The following EYS variants were observed in gnomAD, a reference collection of about 807,000 sequenced individuals.
EYS encodes EGF-like photoreceptor maintenance factor.
Under a neutral mutation model 282.1 loss-of-function variants are expected in EYS, and 250 were observed. The ratio of observed to expected loss-of-function variants is 0.89; its 90% CI spans 0.80 to 0.98. EYS has a LOEUF of 0.98. EYS is among the 50% of genes least tolerant of loss of function. The pLI is 0.00. For missense variants in EYS, 4,016 were observed against 3,709.0 expected (o/e 1.08, Z -2.15); for synonymous variants, 1,355 against 1,282.9 (o/e 1.06, Z -1.20).
chr6:64,181,399 A>G (rs1361533683), intron 31 of EYS, among the ~76,000 whole-genome samples: 1 of 152,152 alleles, frequency 6.6e-6, no homozygotes, highest in Non-Finnish European at 1.5e-5. Flanking sequence ...ATTATTAAAA[A>G]TGTTTTGTCC....
intron 19 of EYS, among the ~76,000 whole-genome samples, chr6:64,831,321 T>C (rs1013777230): frequency 2.6e-5 from 4 of 152,000 alleles, no homozygotes; most frequent in African/African-American, 9.7e-5. Context: ...ATATTGGCGG[T>C]ATATATCAAA....
chr6:64,132,158 A>C (rs1000081958), intron 31 of EYS, among the ~76,000 whole-genome samples: 3 of 152,082 alleles, frequency 2.0e-5, no homozygotes, highest in Admixed American at 6.6e-5. Context: ...AAACTAGATG[A>C]TTTGCTTTCA....
At position 65,609,265 on chromosome 6, in the gene EYS, C is replaced by A. The variant is rs185743805; in HGVS notation, c.-333+30513G>T. Reference sequence around the variant, plus strand: ...CTCTATTATTATCTTATAGGACCACCTTAGTATATGTGGTCCATCCTTGAC... The same window carrying A: ...CTCTATTATTATCTTATAGGACCACATTAGTATATGTGGTCCATCCTTGAC... On this transcript the variant is annotated intron_variant, in intron 2 of 42. Coordinates refer to ENST00000503581, the MANE Select transcript of EYS (RefSeq NM_001142800.2). Among the ~76,000 whole-genome samples the A allele has an allele frequency of 4.7e-5, 7 of 150,010 alleles. No individual in the cohort carries two copies. The East Asian group carries it at 1.4e-3, about 29-fold the overall frequency.
intron 2 of EYS, among the ~76,000 whole-genome samples, chr6:65,521,123 G>A (rs569363618): frequency 6.6e-6 from 1 of 152,202 alleles, no homozygotes; most frequent in African/African-American, 2.4e-5. Context: ...GTTTGTTCAG[G>A]CTTATCAATT....
intron 21 of EYS, among the ~76,000 whole-genome samples, chr6:64,818,198 T>A (rs1314399868): frequency 6.6e-6 from 1 of 152,170 alleles, no homozygotes; most frequent in East Asian, 1.9e-4. Context: ...CTGCTTTCTA[T>A]GCTGCCCTAC....
intron 33 of EYS, among the ~76,000 whole-genome samples, chr6:64,035,386 T>TA (rs35905376): frequency 1.3e-5 from 2 of 152,212 alleles, no homozygotes; most frequent in Non-Finnish European, 2.9e-5. Context: ...GTTATAGCCT[T>TA]AAAAATCTAT....
chr6:64,461,533 T>C (rs1007664452), intron 26 of EYS, among the ~76,000 whole-genome samples: 4 of 152,208 alleles, frequency 2.6e-5, no homozygotes, highest in African/African-American at 9.6e-5. Flanking sequence ...TAGTGGAAGA[T>C]TGAGGAACAA....
intron 26 of EYS, among the ~76,000 whole-genome samples, chr6:64,523,845 C>T (rs1777833619): frequency 6.6e-6 from 1 of 151,568 alleles, no homozygotes; most frequent in Non-Finnish European, 1.5e-5. Flanking sequence ...TCCCTCCCAT[C>T]TGAAATCTTT....
chr6:64,763,365 C>G (rs1773223126), intron 22 of EYS, among the ~76,000 whole-genome samples: 1 of 152,074 alleles, frequency 6.6e-6, no homozygotes, highest in African/African-American at 2.4e-5. Context: ...GAAGCAAGCT[C>G]CTTCTTCATA....
chr6:64,584,128 A>G (rs1197482194), intron 26 of EYS, among the ~76,000 whole-genome samples: 1 of 152,066 alleles, frequency 6.6e-6, no homozygotes, highest in Non-Finnish European at 1.5e-5. Flanking sequence ...TAATATCTCA[A>G]TAAAACACAT....
rs144597283 is a variant in EYS at position 64,448,969 on chromosome 6, G to A, written c.5645-9617C>T. 4.8e-3 allele frequency among the ~76,000 whole-genome samples: 737 copies of A among 152,262 alleles called. 4 individuals carry two copies. Among genetic ancestry groups the A allele is most frequent in the African/African-American group, 0.015 (637 of 41,542 alleles). ...AGAGCATCTCCTCCTCCAAAGGAACGCAGCTCCTCACCAGCAATGGAACAA... is the reference window on the plus strand; with the variant it reads ...AGAGCATCTCCTCCTCCAAAGGAACACAGCTCCTCACCAGCAATGGAACAA... On this transcript the variant is annotated intron_variant, in intron 26 of 42. Transcript: ENST00000503581.
At chr6:64,490,853 T>A (rs1353482434) in intron 26 of EYS, among the ~76,000 whole-genome samples, 3 of 150,776 alleles carry the variant, frequency 2.0e-5, no homozygotes, top group Non-Finnish European at 4.5e-5. Flanking sequence ...AAAGCATCAG[T>A]TTTTACTATG....
chr6:64,903,888 G>A (rs184386873), intron 16 of EYS, among the ~76,000 whole-genome samples: 4 of 151,782 alleles, frequency 2.6e-5, no homozygotes, highest in Admixed American at 1.3e-4. Context: ...CTGCCTCTTC[G>A]GTAGTATATA....
At chr6:64,609,264 T>C (rs1767032379) in intron 24 of EYS, among the ~76,000 whole-genome samples, 1 of 152,140 alleles carries the variant, frequency 6.6e-6, no homozygotes, top group Non-Finnish European at 1.5e-5. Context: ...GTGGCAGTAT[T>C]ATGAGGTTTA....
intron 22 of EYS, among the ~76,000 whole-genome samples, chr6:64,647,317 T>C (rs1768388624): frequency 6.6e-6 from 1 of 152,070 alleles, no homozygotes; most frequent in South Asian, 2.1e-4. Flanking sequence ...AAGAACATAT[T>C]CTCACATGAA....
At chr6:65,281,671 G>A (rs1274239004) in intron 12 of EYS, among the ~76,000 whole-genome samples, 1 of 151,998 alleles carries the variant, frequency 6.6e-6, no homozygotes. Flanking sequence ...GTCACATATA[G>A]CATGAGAGAG....
intron 13 of EYS, among the ~76,000 whole-genome samples, chr6:65,012,596 T>C (rs890956397): frequency 5.3e-5 from 8 of 152,094 alleles, no homozygotes; most frequent in Non-Finnish European, 4.4e-5. Flanking sequence ...AGAAGTACTA[T>C]AGTTGTTTGA....
intron 19 of EYS, among the ~76,000 whole-genome samples, chr6:64,850,337 CTG>C (rs1428464347): frequency 6.6e-6 from 1 of 152,052 alleles, no homozygotes; most frequent in Non-Finnish European, 1.5e-5. Flanking sequence ...TTTATTCACT[CTG>C]TGGCATTGGT....
intron 8 of EYS, among the ~76,000 whole-genome samples, chr6:65,375,732 AC>A (rs1472416053): frequency 6.6e-6 from 1 of 152,050 alleles, no homozygotes; most frequent in East Asian, 1.9e-4. Flanking sequence ...TGTGAAGCAT[AC>A]ACAAGTATCA....
Sources: allele counts gnomAD v4.1 joint callset (sites outside exome capture counted in the v4.1 genomes callset), GRCh38; gene constraint gnomAD v4.1.1; transcripts MANE v1.5; gene names NCBI Gene and HGNC (gene_info 2026-07-23, HGNC 2026-07-21).